The following PLS3 variants were observed in gnomAD, a reference collection of about 807,000 sequenced individuals.
PLS3 encodes plastin 3, also known as plastin-3.
In PLS3, 11 loss-of-function variants were observed where a neutral mutation model predicts 46.5. The ratio of observed to expected loss-of-function variants is 0.24; its 90% CI spans 0.15 to 0.39. The LOEUF (loss-of-function observed/expected upper bound fraction) is 0.39, where lower values mean the gene tolerates loss of function less well. PLS3 is among the 10% of genes least tolerant of loss of function. The pLI is 1.00. For synonymous variants in PLS3, 167 were observed against 162.2 expected (o/e 1.03, Z -0.22); for missense variants, 308 against 461.8 (o/e 0.67, Z 3.05).
intron 1 of PLS3, among the ~76,000 whole-genome samples, chrX:115,593,160 C>G (rs1556633356): frequency 9.0e-6 from 1 of 111,091 alleles, no homozygotes; most frequent in African/African-American, 3.3e-5. Context: ...TTTGCCTTCG[C>G]AAGTAATGTT....
At chrX:115,646,346 C>T (rs1308057942) in intron 12 of PLS3, 56 bp from the exon 13 acceptor site, 18 of 1,138,275 alleles carry the variant, frequency 1.6e-5, no homozygotes, top group South Asian at 3.8e-5. Context: ...CACACACACA[C>T]GTATGCAGAT....
At chrX:115,616,858 TA>T (rs2074602819) in intron 2 of PLS3, among the ~76,000 whole-genome samples, 1 of 111,754 alleles carries the variant, frequency 8.9e-6, no homozygotes, top group South Asian at 3.8e-4. Context: ...AAAGGCTTGA[TA>T]AAATTGACTC....
At position 115,607,632 on chromosome X, in the gene PLS3, A is replaced by G. The variant is rs1024903809; in HGVS notation, c.-8-2611A>G. Among the ~76,000 whole-genome samples the G allele has an allele frequency of 2.7e-5, 3 of 109,913 alleles. No homozygotes were observed. In the South Asian group the frequency reaches 1.2e-3, roughly 43 times the overall value. ...TCCTGCCTCACTCAACCTCCCGAGT[A>G]GCCGGGATTACAGGCACCCGCCATC... is the stretch of plus-strand genomic sequence containing the variant. On this transcript the variant is annotated intron_variant, in intron 1 of 15. Transcript: ENST00000355899.
chrX:115,602,115 G>A (rs1390807815), intron 1 of PLS3, among the ~76,000 whole-genome samples: 1 of 111,164 alleles, frequency 9.0e-6, no homozygotes, highest in African/African-American at 3.3e-5. Context: ...GCCTCACCTC[G>A]GAAAAAACTT....
chrX:115,646,741 T>C (rs782435003), intron 13 of PLS3, among the ~76,000 whole-genome samples: 6 of 112,604 alleles, frequency 5.3e-5, no homozygotes, highest in Non-Finnish European at 1.1e-4. Context: ...GAACTATGGT[T>C]AGTCCCTTTT....
Position 115,649,501 on chromosome X carries a change from G to A in PLS3, c.1833G>A (p.Lys611=), listed in dbSNP as rs1469259223. The A allele has an allele frequency of 3.3e-5, 40 of 1,208,446 alleles. No homozygotes were observed. The highest frequency in any genetic ancestry group is 4.4e-5 in the Non-Finnish European group (39 of 892,764). The change falls in exon 16 of 16, where the codon AAG becomes AAA. Residue 611 remains lysine (K), a synonymous_variant. Transcript: ENST00000355899. The stretch of plus-strand genomic sequence containing the variant: ...TCCCTGAAGACCTTGTGGAAGTAAA[G>A]CCCAAGATGGTCATGACTGTGTTTG... ...YALPEDLVEV[K]PKMVMTVFAC...
intron 9 of PLS3, 45 bp downstream of exon 9, chrX:115,640,548 T>C: frequency 1.4e-6 from 1 of 691,325 alleles, no homozygotes; most frequent in Non-Finnish European, 2.3e-6. Flanking sequence ...TGCAAAATTA[T>C]TGTCAATTTC....
At chrX:115,645,599 G>T (rs1005973521) in intron 11 of PLS3, among the ~76,000 whole-genome samples, 1 of 111,675 alleles carries the variant, frequency 9.0e-6, no homozygotes, top group Non-Finnish European at 1.9e-5. Flanking sequence ...TTCTTTGCTC[G>T]CATATAGTGG....
At chrX:115,636,351 C>T (rs1432703563) in intron 7 of PLS3, among the ~76,000 whole-genome samples, 1 of 109,395 alleles carries the variant, frequency 9.1e-6, no homozygotes, top group Non-Finnish European at 1.9e-5. Flanking sequence ...GGACTACAGG[C>T]GCCCGCCACC....
At chrX:115,599,674 C>G (rs2074424547) in intron 1 of PLS3, among the ~76,000 whole-genome samples, 1 of 105,467 alleles carries the variant, frequency 9.5e-6, no homozygotes, top group Non-Finnish European at 1.9e-5. Context: ...GCTGTGTCGC[C>G]CAGGCTGGAG....
At chrX:115,575,977 A>G (rs1467607284) in intron 1 of PLS3, among the ~76,000 whole-genome samples, 1 of 111,969 alleles carries the variant, frequency 8.9e-6, no homozygotes, top group Non-Finnish European at 1.9e-5. Flanking sequence ...AAGGAGTACA[A>G]AAGTACATGA....
rs782748642 is a variant in PLS3 at position 115,647,423 on chromosome X, G to A, written c.1512-127G>A. The A allele has an allele frequency of 7.6e-6, 5 of 659,846 alleles. No individual in the cohort carries two copies. In the South Asian group the frequency reaches 1.2e-4, roughly 16 times the overall value. 54.4% of individuals were successfully genotyped at this position (659,846 alleles called of 1,213,427 possible). On this transcript the variant is annotated intron_variant, in intron 13 of 15. Transcript: ENST00000355899. ...CACTCCAGCCTGGGCGACAGAGCGAGACTCCGTCTCAAAAAAAAGAAGAAA... is the reference window on the plus strand; with the variant it reads ...CACTCCAGCCTGGGCGACAGAGCGAAACTCCGTCTCAAAAAAAAGAAGAAA...
Position 115,624,119 on chromosome X carries a change from C to T in PLS3, c.237+1710C>T, listed in dbSNP as rs781926659. Among the ~76,000 whole-genome samples the T allele has an allele frequency of 3.8e-4, 41 of 107,640 alleles. No individual in the cohort carries two copies. In the Middle Eastern group the frequency reaches 0.015, roughly 39 times the overall value. The allele number at this position is 107,640 out of a possible 115,157, so 93.5% of individuals were successfully genotyped here. A position where few individuals can be genotyped will look rare whatever the true frequency, so the allele number is the denominator to read the frequency against. On this transcript the variant is annotated intron_variant, in intron 3 of 15. Transcript: ENST00000355899. ...TGGTGCGTGCCTGTAATCCCAGCTA[C>T]TCGGGAGGCTGGGGCAAGAGAATCG...
chrX:115,630,820 AATAC>A (rs1404665253), intron 5 of PLS3, among the ~76,000 whole-genome samples: 1 of 92,713 alleles, frequency 1.1e-5, no homozygotes, highest in Admixed American at 1.4e-4. Flanking sequence ...TAATATATAT[AATAC>A]ATGTATATAT....
intron 4 of PLS3, 43 bp from the exon 5 acceptor site, chrX:115,629,792 G>A: frequency 1.2e-6 from 1 of 867,919 alleles, no homozygotes; most frequent in South Asian, 2.4e-5. Context: ...TATTTAATAA[G>A]TTAGAGTATG....
intron 1 of PLS3, among the ~76,000 whole-genome samples, chrX:115,595,141 A>G (rs953797327): frequency 7.1e-5 from 8 of 111,911 alleles, no homozygotes; most frequent in African/African-American, 2.6e-4. Flanking sequence ...CTATTATTGG[A>G]AAAAGCTACG....
intron 1 of PLS3, among the ~76,000 whole-genome samples, chrX:115,564,726 A>T (rs2074161813): frequency 8.9e-6 from 1 of 112,520 alleles, no homozygotes; most frequent in Non-Finnish European, 1.9e-5. Flanking sequence ...GATCTAGCAT[A>T]ATCTATGTGG....
At chrX:115,647,840 C>T (rs1009304300) in intron 14 of PLS3, 53 bp from the exon 15 acceptor site, 93 of 1,188,501 alleles carry the variant, frequency 7.8e-5, no homozygotes, top group Non-Finnish European at 1.0e-4. Flanking sequence ...TAAGTAAGCA[C>T]ATGTTAATTT....
chrX:115,650,494 T>G lies in PLS3; in HGVS notation c.*933T>G, dbSNP rs1451021368. 2 of 112,139 alleles carry G rather than the reference T, an allele frequency of 1.8e-5. No homozygotes were observed. Among genetic ancestry groups the G allele is most frequent in the African/African-American group, 6.5e-5 (2 of 30,835 alleles). 9.2% of individuals were successfully genotyped at this position (112,139 alleles called of 1,213,427 possible). On this transcript the variant is annotated 3_prime_UTR_variant, in exon 16 of 16. Coordinates refer to ENST00000355899, the MANE Select transcript of PLS3 (RefSeq NM_005032.7). ...AAGTGTACAATATATTTTTTAATTT[T>G]ACACCTGAAACAAAGAAATGTGGTC... is the stretch of plus-strand genomic sequence containing the variant.
Sources: allele counts gnomAD v4.1 joint callset (sites outside exome capture counted in the v4.1 genomes callset), GRCh38; gene constraint gnomAD v4.1.1; transcripts MANE v1.5; gene names NCBI Gene and HGNC (gene_info 2026-07-23, HGNC 2026-07-21).